The following IFT88 variants were observed in gnomAD, a reference collection of about 807,000 sequenced individuals.
IFT88 encodes intraflagellar transport protein 88 homolog.
Under a neutral mutation model 119.5 loss-of-function variants are expected in IFT88, and 74 were observed. That is an observed-to-expected ratio of 0.62 (90% confidence interval 0.51 to 0.75). The LOEUF is 0.75. IFT88 is among the 30% of genes least tolerant of loss of function. IFT88 has a pLI of 0.00. For missense variants in IFT88, 961 were observed against 977.7 expected, an observed-to-expected ratio of 0.98 and a Z score of 0.23; for synonymous variants, 279 against 316.7, an observed-to-expected ratio of 0.88 and a Z score of 1.26.
intron 23 of IFT88, among the ~76,000 whole-genome samples, chr13:20,664,992 T>C (rs2140883978): frequency 1.3e-5 from 2 of 151,044 alleles, no homozygotes; most frequent in South Asian, 4.2e-4. Context: ...GGCAGGAGAA[T>C]GGCATGAACC....
At chr13:20,570,893 A>T (rs570438724) in intron 1 of IFT88, among the ~76,000 whole-genome samples, 1 of 152,262 alleles carries the variant, frequency 6.6e-6, no homozygotes, top group Non-Finnish European at 1.5e-5. Context: ...AGTATTTAAA[A>T]TATATAAATA....
intron 16 of IFT88, among the ~76,000 whole-genome samples, chr13:20,635,090 GTTTCCAGC>G (rs931882845): frequency 6.6e-6 from 1 of 151,690 alleles, no homozygotes; most frequent in Non-Finnish European, 1.5e-5. Flanking sequence ...GAGAATGATG[GTTTCCAGC>G]TTCATCCATG....
chr13:20,621,213 C>T (rs532636087), intron 14 of IFT88, among the ~76,000 whole-genome samples: 1 of 152,192 alleles, frequency 6.6e-6, no homozygotes, highest in African/African-American at 2.4e-5. Context: ...ACTAAAGGCA[C>T]ACACCACCAC....
chr13:20,680,676 T>C (rs1248632376), intron 24 of IFT88, among the ~76,000 whole-genome samples: 1 of 152,152 alleles, frequency 6.6e-6, no homozygotes, highest in South Asian at 2.1e-4. Context: ...GTCTTCCTTA[T>C]TGTCAGTCTC....
In IFT88 at chr13:20,567,166, C is replaced by G. The variant is rs940232820; in HGVS notation, c.-97C>G. 14 of 152,382 alleles carry G rather than the reference C, an allele frequency of 9.2e-5. No homozygotes were observed. Among genetic ancestry groups the G allele is most frequent in the African/African-American group, 2.6e-4 (11 of 41,572 alleles). The allele number at this position is 152,382 out of a possible 1,614,324, so 9.4% of individuals were successfully genotyped here. A position where few individuals can be genotyped will look rare whatever the true frequency, so the allele number is the denominator to read the frequency against. ...CTGTGGGAGCGGCTTCCTTGGATTC[C>G]GCGCTTGGCAACGGCTCGGCGTCGC... On this transcript the variant is annotated 5_prime_UTR_variant, in exon 1 of 26. Transcript: ENST00000351808.
chr13:20,581,927 GCACT>G (rs2138295891), intron 2 of IFT88, among the ~76,000 whole-genome samples: 1 of 151,258 alleles, frequency 6.6e-6, no homozygotes, highest in Non-Finnish European at 1.5e-5. Flanking sequence ...TGTTTTAAAA[GCACT>G]GTATTAGCAT....
intron 15 of IFT88, among the ~76,000 whole-genome samples, chr13:20,626,688 G>T (rs1008389247): frequency 1.3e-5 from 2 of 152,102 alleles, no homozygotes; most frequent in Non-Finnish European, 2.9e-5. Flanking sequence ...TTGGGTGGGG[G>T]GTAGAGTGGG....
intron 22 of IFT88, among the ~76,000 whole-genome samples, chr13:20,659,891 C>T (rs1335862797): frequency 6.6e-6 from 1 of 152,210 alleles, no homozygotes; most frequent in Non-Finnish European, 1.5e-5. Flanking sequence ...ATCTGCCCGC[C>T]TCAGCCTCCC....
At chr13:20,624,628 C>T (rs1169809377) in intron 14 of IFT88, among the ~76,000 whole-genome samples, 4 of 152,138 alleles carry the variant, frequency 2.6e-5, no homozygotes, top group Admixed American at 2.0e-4. Context: ...AGGCCACCCC[C>T]TGATTTTCAA....
intron 3 of IFT88, among the ~76,000 whole-genome samples, chr13:20,588,049 C>T (rs2040024598): frequency 7.0e-6 from 1 of 141,972 alleles, no homozygotes; most frequent in Non-Finnish European, 1.5e-5. Flanking sequence ...CCTTACTTGC[C>T]TTCTTTTTTG....
intron 21 of IFT88, among the ~76,000 whole-genome samples, chr13:20,655,706 C>T (rs1594692737): frequency 6.6e-6 from 1 of 151,978 alleles, no homozygotes; most frequent in African/African-American, 2.4e-5. Flanking sequence ...GTTGCCCAGG[C>T]TGGTCTCAAA....
At chr13:20,617,007 A>C (rs527450422) in intron 14 of IFT88, among the ~76,000 whole-genome samples, 17 of 152,008 alleles carry the variant, frequency 1.1e-4, no homozygotes, top group Middle Eastern at 3.4e-3. Context: ...GCAGTGGCGC[A>C]ATCTCGGCTC....
chr13:20,660,467 G>A (rs1397462244), intron 22 of IFT88, among the ~76,000 whole-genome samples: 1 of 152,220 alleles, frequency 6.6e-6, no homozygotes, highest in Non-Finnish European at 1.5e-5. Context: ...AGGTTCTAAA[G>A]TGTGATTAAC....
chr13:20,639,784 G>A (rs1334723420), intron 17 of IFT88, among the ~76,000 whole-genome samples: 1 of 126,918 alleles, frequency 7.9e-6, no homozygotes, highest in East Asian at 2.9e-4. Context: ...AGTAAAATTT[G>A]TCTTTTTTTT....
intron 13 of IFT88, among the ~76,000 whole-genome samples, chr13:20,606,005 G>A (rs1463672469): frequency 1.0e-5 from 1 of 98,872 alleles, no homozygotes; most frequent in Non-Finnish European, 2.1e-5. Context: ...GGGTTTATAT[G>A]TAGGTTTCAT....
chr13:20,620,007 C>G (rs551104039), intron 14 of IFT88, among the ~76,000 whole-genome samples: 1 of 151,974 alleles, frequency 6.6e-6, no homozygotes, highest in Non-Finnish European at 1.5e-5. Context: ...GAGAAGTGCC[C>G]GTTCAAGACT....
chr13:20,634,282 C>T (rs1439438617), intron 16 of IFT88, among the ~76,000 whole-genome samples: 1 of 152,164 alleles, frequency 6.6e-6, no homozygotes, highest in East Asian at 1.9e-4. Context: ...CCACTGGAGT[C>T]ATTATTGTAA....
intron 3 of IFT88, among the ~76,000 whole-genome samples, chr13:20,587,717 C>G (rs1453047575): frequency 6.6e-6 from 1 of 151,986 alleles, no homozygotes; most frequent in Non-Finnish European, 1.5e-5. Flanking sequence ...TGAAGTATGC[C>G]TCTATCTCTA....
chr13:20,610,954 C>T (rs2044391238), intron 13 of IFT88, among the ~76,000 whole-genome samples: 1 of 151,940 alleles, frequency 6.6e-6, no homozygotes, highest in African/African-American at 2.4e-5. Context: ...GCCTGGGCAA[C>T]ATGGTGAAGC....
Sources: allele counts gnomAD v4.1 joint callset (sites outside exome capture counted in the v4.1 genomes callset), GRCh38; gene constraint gnomAD v4.1.1; transcripts MANE v1.5; gene names NCBI Gene and HGNC (gene_info 2026-07-23, HGNC 2026-07-21).